Variants in SLC49A3 observed in about 807,000 individuals in gnomAD.
SLC49A3 encodes solute carrier family 49 member 3.
SLC49A3 carries 50 observed loss-of-function variants against 43.8 expected under a neutral mutation model. The ratio of observed to expected loss-of-function variants is 1.14; its 90% confidence interval spans 0.91 to 1.45. SLC49A3 has a LOEUF of 1.45. Among genes scored for constraint, SLC49A3 ranks in the 40% most tolerant of loss-of-function variants. SLC49A3 has a pLI of 0.00. For synonymous variants in SLC49A3, 413 were observed against 352.0 expected (o/e 1.17, Z -1.94); for missense variants, 906 against 774.1 (o/e 1.17, Z -2.02).
chr4:681,648 C>G (rs1352938248), downstream of SLC49A3, among the ~76,000 whole-genome samples: 2 of 60,180 alleles, frequency 3.3e-5, no homozygotes, highest in Admixed American at 2.9e-4. Flanking sequence ...CCGCCCCGCC[C>G]CCTCCAGCGC....
At chr4:680,007 A>G, downstream of SLC49A3, 1 of 1,612,660 alleles carries the variant, frequency 6.2e-7, no homozygotes, top group South Asian at 1.1e-5. Context: ...CTGTTTGGGG[A>G]GAAGCTGAGC....
chr4:681,042 G>A, downstream of SLC49A3: 1 of 1,560,162 alleles, frequency 6.4e-7, no homozygotes, highest in Non-Finnish European at 8.7e-7. Flanking sequence ...CACCGAGAAG[G>A]CTCCTGCACC....
chr4:683,140 A>G, intron 8 of SLC49A3, 70 bp downstream of exon 8: 1 of 1,594,604 alleles, frequency 6.3e-7, no homozygotes, highest in South Asian at 1.1e-5. Context: ...ACATGGTGCA[A>G]CCCCAGGGGT....
At chr4:687,532 G>A (rs532571217) in intron 1 of SLC49A3, among the ~76,000 whole-genome samples, 8 of 152,288 alleles carry the variant, frequency 5.3e-5, no homozygotes, top group South Asian at 2.1e-4. Context: ...GGCCGAGCCC[G>A]GGAGAGAAAG....
intron 1 of SLC49A3, chr4:688,116 C>T (rs950538746): frequency 6.6e-6 from 1 of 152,468 alleles, no homozygotes; most frequent in Non-Finnish European, 1.5e-5. Flanking sequence ...GACACTCCAC[C>T]CAAAGCCAGT....
downstream of SLC49A3, chr4:680,513 C>T (rs567000230): frequency 2.5e-6 from 4 of 1,613,260 alleles, no homozygotes; most frequent in East Asian, 2.2e-5. Flanking sequence ...TGGCAGGTAC[C>T]GACGCCGAGG....
rs1050563207 is a variant in SLC49A3, at chr4:685,752, G to A, written c.585+83C>T. On this transcript the variant is annotated intron_variant, in intron 4 of 9. Coordinates refer to ENST00000322224, the MANE Select transcript of SLC49A3 (RefSeq NM_032219.4). The surrounding 1 kb of genome is among the most constrained non-coding windows in gnomAD (Gnocchi z 4.3). ...GAATCACACACGGGCACAGGAACAC[G>A]GACACACTTGGGATCAGGAACACAC... 47 of 1,438,076 alleles carry A rather than the reference G, an allele frequency of 3.3e-5. No individual in the cohort carries two copies. Among genetic ancestry groups the A allele is most frequent in the South Asian group, 5.8e-5 (5 of 85,502 alleles). The allele number at this position is 1,438,076 out of a possible 1,614,324, so 89.1% of individuals were successfully genotyped here.
chr4:678,137 A>G (rs1739039192), downstream of SLC49A3: 1 of 1,559,926 alleles, frequency 6.4e-7, no homozygotes. Context: ...TTGCGTGTGA[A>G]TGCAGGTGTG....
downstream of SLC49A3, chr4:677,054 C>T: frequency 2.5e-6 from 1 of 394,032 alleles, no homozygotes. Context: ...CCAGGGATCC[C>T]ACCTGCTGTT....
At chr4:676,998 T>C (rs1402733867), downstream of SLC49A3, 2 of 899,074 alleles carry the variant, frequency 2.2e-6, no homozygotes, top group Non-Finnish European at 1.3e-6. Flanking sequence ...TCAAGAGACA[T>C]GCAAGTGGCA....
At chr4:677,119 C>G (rs1272457018), downstream of SLC49A3, among the ~76,000 whole-genome samples, 1 of 152,200 alleles carries the variant, frequency 6.6e-6, no homozygotes, top group African/African-American at 2.4e-5. Flanking sequence ...GGGGCAGGTG[C>G]CCTGGGTCCT....
chr4:689,003 G>C lies in SLC49A3; in HGVS notation c.125C>G (p.Ser42Cys). ...CGCCCCTGCCCCTACCGTGGCGTTGGAGCAGTTGAGCAGGCTGATCGCGAG... is the reference window on the plus strand; with the variant it reads ...CGCCCCTGCCCCTACCGTGGCGTTGCAGCAGTTGAGCAGGCTGATCGCGAG... Reference protein sequence around the residue: ...FLLAISLLNCSNATLWLSFAP... With the variant: ...FLLAISLLNCCNATLWLSFAP... Residue 42 changes from serine to cysteine, a missense_variant, in exon 1 of 10, where the codon TCC (serine) becomes TGC (cysteine). Ser to Cys is a moderately radical substitution (Grantham distance 112, BLOSUM62 -1). Coordinates refer to ENST00000322224, the MANE Select transcript of SLC49A3 (RefSeq NM_032219.4). 6.3e-7 allele frequency: 1 copy of C among 1,595,520 alleles called. No homozygotes were observed. The highest frequency in any genetic ancestry group is 8.5e-7 in the Non-Finnish European group (1 of 1,172,932).
chr4:680,750 G>A (rs1034048670), downstream of SLC49A3: 7 of 737,998 alleles, frequency 9.5e-6, no homozygotes, highest in Middle Eastern at 2.9e-4. Context: ...CTGAGTGGGA[G>A]GCCAGCCCTG....
Position 684,787 on chromosome 4 carries a change from G to A in SLC49A3, c.655C>T (p.Pro219Ser), listed in dbSNP as rs761078550. 3 of 1,612,450 alleles carry A rather than the reference G, an allele frequency of 1.9e-6. No homozygotes were observed. The highest frequency in any genetic ancestry group is 2.5e-6 in the Non-Finnish European group (3 of 1,179,862). Residue 219 changes from proline (P) to serine (S), a missense_variant, in exon 5 of 10, where the codon CCC becomes TCC. Pro to Ser is a moderately conservative substitution (Grantham distance 74). Transcript: ENST00000322224. ...GCCCCGGCAGAGGGCGGGGTGGGGG[G>A]CACACTCTCCCACAGGCAGATGGTG... is the stretch of plus-strand genomic sequence containing the variant. ...LSTICLWESV[P>S]PTPPSAGAAS...
At chr4:678,014 G>T, downstream of SLC49A3, 1 of 1,612,534 alleles carries the variant, frequency 6.2e-7, no homozygotes, top group Non-Finnish European at 8.5e-7. Context: ...CATCAAAGCA[G>T]GCAGAAGCAG....
intron 6 of SLC49A3, 60 bp from the exon 7 acceptor site, chr4:683,821 C>G: frequency 6.6e-7 from 1 of 1,515,488 alleles, no homozygotes; most frequent in Non-Finnish European, 8.8e-7. Context: ...AGGTGCATGC[C>G]GTCAGGGCAG....
downstream of SLC49A3, chr4:679,225 A>C: frequency 1.5e-6 from 1 of 687,534 alleles, no homozygotes; most frequent in Non-Finnish European, 2.6e-6. Flanking sequence ...AGAGCATCCC[A>C]GGGTGAGACA....
At chr4:683,928 G>A (rs1173698882) in intron 6 of SLC49A3, among the ~76,000 whole-genome samples, 167 bp from the exon 7 acceptor site, 1 of 152,166 alleles carries the variant, frequency 6.6e-6, no homozygotes, top group Non-Finnish European at 1.5e-5. Flanking sequence ...AGGGTTTCCT[G>A]CCTTGTGTTT....
chr4:682,471 G>A (rs899424512), intron 9 of SLC49A3, 95 bp from the exon 10 acceptor site: 33 of 1,223,742 alleles, frequency 2.7e-5, no homozygotes, highest in Non-Finnish European at 3.5e-5. Flanking sequence ...CACTACCCTT[G>A]ACCACAGAGT....
Sources: allele counts gnomAD v4.1 joint callset (sites outside exome capture counted in the v4.1 genomes callset), GRCh38; gene constraint gnomAD v4.1.1; non-coding constraint Gnocchi (gnomAD v3.1); transcripts MANE v1.5; gene names NCBI Gene and HGNC (gene_info 2026-07-23, HGNC 2026-07-21).